The following PDZD4 variants were observed in gnomAD, a reference collection of about 807,000 sequenced individuals.
PDZD4 encodes the protein PDZ domain-containing protein 4.
PDZD4 carries 9 observed loss-of-function variants against 38.5 expected under a neutral mutation model. That is an observed-to-expected ratio of 0.23 (90% confidence interval 0.14 to 0.41). PDZD4 has a LOEUF of 0.41. PDZD4 is among the 10% of genes least tolerant of loss of function. The pLI, the probability that PDZD4 is intolerant of heterozygous loss-of-function variation, is 1.00. For missense variants in PDZD4, 612 were observed against 722.0 expected (o/e 0.85, Z 1.75); for synonymous variants, 349 against 315.7 (o/e 1.11, Z -1.12).
In PDZD4 at chrX:153,803,666, G is replaced by C; in HGVS notation, c.2015C>G (p.Ala672Gly). Reference protein sequence around the residue: ...ERSGMTTDDDAVSEMKMGRYW... With the variant: ...ERSGMTTDDDGVSEMKMGRYW... Reference sequence around the variant, plus strand: ...GCGGCCCATCTTCATCTCGCTCACCGCGTCGTCGTCGGTCGTCATACCGCT... The same window carrying C: ...GCGGCCCATCTTCATCTCGCTCACCCCGTCGTCGTCGGTCGTCATACCGCT... The change falls in exon 8 of 8, where the codon GCG (alanine) becomes GGG (glycine). Residue 672 changes from alanine (A) to glycine (G), a missense_variant. By Grantham distance (60) the Ala-to-Gly change is moderately conservative. Around this residue, in one of 3 missense-constraint regions of PDZD4, gnomAD observed 87 missense variants for 126.3 expected, o/e 0.69. Transcript: ENST00000393758. 7 of 1,210,212 alleles carry C rather than the reference G, an allele frequency of 5.8e-6. No individual in the cohort carries two copies. Among genetic ancestry groups the C allele is most frequent in the Non-Finnish European group, 7.8e-6 (7 of 895,551 alleles).
At chrX:153,827,632 T>C (rs782545731) in intron 1 of PDZD4, among the ~76,000 whole-genome samples, 23 of 112,455 alleles carry the variant, frequency 2.0e-4, no homozygotes, top group Non-Finnish European at 4.3e-4. Flanking sequence ...CTATGAAATG[T>C]TTAGAATAAA....
At chrX:153,813,647 C>T (rs781923189) in intron 1 of PDZD4, among the ~76,000 whole-genome samples, 3 of 112,274 alleles carry the variant, frequency 2.7e-5, no homozygotes, top group East Asian at 2.8e-4. Flanking sequence ...TGGGCACAGG[C>T]GGCTTCAATC....
At chrX:153,820,144 C>T (rs1220403762) in intron 1 of PDZD4, among the ~76,000 whole-genome samples, 1 of 109,188 alleles carries the variant, frequency 9.2e-6, no homozygotes, top group Non-Finnish European at 1.9e-5. Context: ...GTCAGGAGTT[C>T]GAGACCAGCA....
rs201564498 is a variant in PDZD4 at position 153,805,582 on chromosome X, G to A, written c.592C>T (p.Arg198Trp). The change falls in exon 6 of 8, where the codon CGG (arginine) becomes TGG (tryptophan). Residue 198 changes from arginine to tryptophan, a missense_variant. This residue lies in a region of PDZD4 where 225 missense variants were observed against 311.0 expected (regional missense o/e 0.72). Transcript: ENST00000393758. ...IQINGVDVQNREEAVAILSQE... is the reference protein window; with the variant it reads ...IQINGVDVQNWEEAVAILSQE... ...CTCAGGATGGCCACCGCCTCTTCCC[G>A]GTTCTGGACGTCTACACCGTTAATC... 4.1e-6 allele frequency: 5 copies of A among 1,207,759 alleles called. No homozygotes were observed. The Admixed American group carries it at 6.5e-5, about 16-fold the overall frequency.
chrX:153,810,423 T>C (rs1420195530), intron 1 of PDZD4, among the ~76,000 whole-genome samples: 2 of 111,846 alleles, frequency 1.8e-5, no homozygotes, highest in African/African-American at 6.5e-5. Context: ...GGAGGCTGGT[T>C]TGCAGTTGGA....
chrX:153,810,203 GA>G (rs2064296112), intron 1 of PDZD4, among the ~76,000 whole-genome samples: 3 of 112,667 alleles, frequency 2.7e-5, no homozygotes, highest in Non-Finnish European at 5.6e-5. Flanking sequence ...GCGGCTTATG[GA>G]AGGGCTGTTC....
At chrX:153,816,043 C>T (rs1441639889) in intron 1 of PDZD4, among the ~76,000 whole-genome samples, 1 of 99,162 alleles carries the variant, frequency 1.0e-5, no homozygotes, top group East Asian at 3.7e-4. Flanking sequence ...CGGCAGGATC[C>T]CGGGTTGCGC....
At chrX:153,806,609 C>T (rs2064252252) in intron 4 of PDZD4, 133 bp downstream of exon 4, 2 of 548,637 alleles carry the variant, frequency 3.6e-6, no homozygotes, top group Admixed American at 5.8e-5. Context: ...AGCCGTCGAC[C>T]ATCATCGCCT....
chrX:153,802,837 T>C lies in PDZD4; in HGVS notation c.*516A>G, dbSNP rs2092181240. The C allele has an allele frequency of 8.9e-6, 1 of 112,834 alleles. No individual in the cohort carries two copies. The highest frequency in any genetic ancestry group is 3.6e-4 in the South Asian group (1 of 2,764). 9.3% of individuals were successfully genotyped at this position (112,834 alleles called of 1,213,427 possible). On this transcript the variant is annotated 3_prime_UTR_variant, in exon 8 of 8. Coordinates refer to ENST00000393758, the MANE Select transcript of PDZD4 (RefSeq NM_001303512.2). ...GCAGGTCCACAAAACAAAACAACTA[T>C]TGGCAAGCACAGAAAGGGAGAAAAA...
intron 1 of PDZD4, among the ~76,000 whole-genome samples, chrX:153,821,964 C>T (rs1362972293): frequency 9.1e-6 from 1 of 110,313 alleles, no homozygotes; most frequent in Non-Finnish European, 1.9e-5. Flanking sequence ...CCGAGGCAGG[C>T]GGATCACTAG....
chrX:153,824,436 G>A (rs1290275739), intron 1 of PDZD4, among the ~76,000 whole-genome samples: 4 of 111,410 alleles, frequency 3.6e-5, no homozygotes, highest in African/African-American at 9.8e-5. Context: ...GAAGGGTGGA[G>A]GCCAGCGTGG....
At chrX:153,807,033 C>T (rs782155122) in intron 3 of PDZD4, among the ~76,000 whole-genome samples, 193 bp from the exon 4 acceptor site, 25 of 112,385 alleles carry the variant, frequency 2.2e-4, no homozygotes, top group African/African-American at 7.7e-4. Flanking sequence ...ACGTGGCGCA[C>T]GTACTCAGTG....
Position 153,804,802 on chromosome X carries a change from G to A in PDZD4, c.879C>T (p.Thr293=), listed in dbSNP as rs373300612. The change falls in exon 8 of 8, where the codon ACC becomes ACT. Residue 293 remains threonine (T), a synonymous_variant. Coordinates refer to ENST00000393758, the MANE Select transcript of PDZD4 (RefSeq NM_001303512.2). The part of the protein sequence containing the change: ...DSGVGRTDES[T]RNEESSEHDL... ...CGTGCTCAGAGCTCTCTTCGTTCCGGGTGCTCTCGTCAGTCCGGCCCACCC... is the reference window on the plus strand; with the variant it reads ...CGTGCTCAGAGCTCTCTTCGTTCCGAGTGCTCTCGTCAGTCCGGCCCACCC... 4.1e-6 allele frequency: 5 copies of A among 1,210,262 alleles called. No individual in the cohort carries two copies. In the African/African-American group the frequency reaches 7.0e-5, roughly 17 times the overall value.
intron 1 of PDZD4, among the ~76,000 whole-genome samples, chrX:153,816,880 G>A (rs1190446404): frequency 8.9e-6 from 1 of 111,775 alleles, no homozygotes; most frequent in African/African-American, 3.3e-5. Flanking sequence ...TAGAGGTGGT[G>A]GGATGTGGTC....
At chrX:153,810,739 G>A (rs940462191) in intron 1 of PDZD4, among the ~76,000 whole-genome samples, 2 of 112,348 alleles carry the variant, frequency 1.8e-5, no homozygotes, top group African/African-American at 6.5e-5. Context: ...ACCGCTGTAC[G>A]AGTCTTTTCG....
At chrX:153,817,753 G>A (rs782336233) in intron 1 of PDZD4, among the ~76,000 whole-genome samples, 1 of 112,034 alleles carries the variant, frequency 8.9e-6, no homozygotes, top group East Asian at 2.8e-4. Flanking sequence ...CAGCAGTGAG[G>A]AAGACCGAGG....
intron 1 of PDZD4, among the ~76,000 whole-genome samples, chrX:153,822,548 G>A (rs1557081578): frequency 9.0e-6 from 1 of 111,483 alleles, no homozygotes; most frequent in African/African-American, 3.3e-5. Context: ...GCTCAGCCTC[G>A]CCTCCTCCGG....
chrX:153,820,621 A>G (rs1364325155), intron 1 of PDZD4, among the ~76,000 whole-genome samples: 1 of 111,935 alleles, frequency 8.9e-6, no homozygotes, highest in African/African-American at 3.2e-5. Flanking sequence ...TCTCTAATCT[A>G]GAAAAAAATA....
chrX:153,819,185 G>A (rs1376343737), intron 1 of PDZD4, among the ~76,000 whole-genome samples: 1 of 112,852 alleles, frequency 8.9e-6, no homozygotes, highest in Non-Finnish European at 1.9e-5. Flanking sequence ...GCTGGTGGCT[G>A]TATTGGCAGG....
Sources: allele counts gnomAD v4.1 joint callset (sites outside exome capture counted in the v4.1 genomes callset), GRCh38; gene constraint gnomAD v4.1.1; regional missense constraint gnomAD v4.1.1; transcripts MANE v1.5; gene names NCBI Gene and HGNC (gene_info 2026-07-23, HGNC 2026-07-21).